The following FAT1 variants were observed in gnomAD, a reference collection of about 807,000 sequenced individuals.
FAT1 encodes FAT atypical cadherin 1.
Under a neutral mutation model 329.8 loss-of-function variants are expected in FAT1, and 171 were observed. That is an observed-to-expected ratio of 0.52 (90% CI 0.46 to 0.59). The LOEUF is 0.59. Among genes scored for constraint, FAT1 ranks in the 20% least tolerant of loss-of-function variants. The probability of loss-of-function intolerance (pLI) is 0.00; values close to 1 mark genes in which losing one functional copy is unlikely to be tolerated. For synonymous variants in FAT1, 2,233 were observed against 2,228.6 expected (o/e 1.00, Z -0.06); for missense variants, 5,672 against 5,774.4 (o/e 0.98, Z 0.57).
chr4:186,692,319 A>ATT (rs769658294), intron 2 of FAT1, among the ~76,000 whole-genome samples: 3,636 of 150,752 alleles, frequency 0.024, 100 homozygotes, highest in East Asian at 0.09. Context: ...TTATTTATTT[A>ATT]TTTATTTTTT....
intron 25 of FAT1, 86 bp from the exon 26 acceptor site, chr4:186,595,912 C>A: frequency 1.5e-6 from 2 of 1,355,266 alleles, no homozygotes; most frequent in Non-Finnish European, 2.1e-6. Context: ...ATGCATTACC[C>A]AACGATGGCC....
intron 9 of FAT1, among the ~76,000 whole-genome samples, chr4:186,625,288 C>T (rs1443293352): frequency 6.6e-6 from 1 of 152,132 alleles, no homozygotes; most frequent in Non-Finnish European, 1.5e-5. Flanking sequence ...ATTTCTCAAC[C>T]AGTGGAAAAA....
In FAT1 at chr4:186,709,818, G is replaced by T. The variant is rs760534470; in HGVS notation, c.10C>A (p.His4Asn). The T allele has an allele frequency of 6.2e-7, 1 of 1,602,026 alleles. No homozygotes were observed. Among genetic ancestry groups the T allele is most frequent in the Admixed American group, 1.7e-5 (1 of 58,516 alleles). The change falls in exon 2 of 27, where the codon CAT becomes AAT. Residue 4 changes from histidine (H) to asparagine (N), a missense_variant. Transcript: ENST00000441802. The stretch of plus-strand genomic sequence containing the variant: ...AGCAGAAGCAGGAGCAAAGCCAAAT[G>T]TCTCCCCATTGCTTAACTGTCGGGA... Reference protein sequence around the residue: MGRHLALLLLLLLL... With the variant: MGRNLALLLLLLLL...
intron 3 of FAT1, among the ~76,000 whole-genome samples, chr4:186,662,650 G>T (rs951517576): frequency 6.6e-6 from 1 of 152,118 alleles, no homozygotes; most frequent in African/African-American, 2.4e-5. Context: ...ACAAAAAGCC[G>T]ACTTAGGACA....
Position 186,588,313 on chromosome 4 carries a change from T to C in FAT1, c.*279A>G. 1 of 391,496 alleles carries C rather than the reference T, an allele frequency of 2.6e-6. No individual in the cohort carries two copies. The highest frequency in any genetic ancestry group is 4.6e-6 in the Non-Finnish European group (1 of 218,362). The allele number at this position is 391,496 out of a possible 1,614,324, so 24.3% of individuals were successfully genotyped here. On this transcript the variant is annotated 3_prime_UTR_variant, in exon 27 of 27. Transcript: ENST00000441802. ...CAAATCTATATAAATACATGAATCA[T>C]GCTGACAACACAGGACTGATTTTTC...
At chr4:186,591,029 C>T (rs1043604057) in intron 26 of FAT1, among the ~76,000 whole-genome samples, 6 of 152,230 alleles carry the variant, frequency 3.9e-5, no homozygotes, top group African/African-American at 1.2e-4. Context: ...GCCAGGGCCC[C>T]GCATCTATAC....
intron 2 of FAT1, among the ~76,000 whole-genome samples, chr4:186,701,390 GCTT>G (rs1744302835): frequency 6.6e-6 from 1 of 152,158 alleles, no homozygotes; most frequent in African/African-American, 2.4e-5. Context: ...TGGGAAACGA[GCTT>G]CTTTTCTCTT....
chr4:186,627,725 T>C (rs1740383058), intron 9 of FAT1, among the ~76,000 whole-genome samples: 1 of 152,208 alleles, frequency 6.6e-6, no homozygotes, highest in Non-Finnish European at 1.5e-5. Context: ...GTCAACACTG[T>C]TATGGAGCTT....
chr4:186,636,466 G>T (rs541405774), intron 5 of FAT1, 119 bp downstream of exon 5: 3 of 1,093,382 alleles, frequency 2.7e-6, no homozygotes, highest in Admixed American at 4.7e-5. Context: ...AATGGGGCCA[G>T]CAGGTCACAA....
rs1449321821 is a variant in FAT1 at position 186,619,081 on chromosome 4, G to T, written c.7505C>A (p.Ala2502Asp). Residue 2502 changes from alanine (A) to aspartate (D), a missense_variant, in exon 10 of 27, where the codon GCT becomes GAT. This residue lies in a region of FAT1 where 3,966 missense variants were observed against 3,915.2 expected (regional missense o/e 1.01). Transcript: ENST00000441802. The part of the protein sequence containing the change: ...FLQNEYEVEL[A>D]ENAPLHTLVM... ...CAGGGTATGTAGGGGAGCGTTTTCAGCTAGTTCCACTTCATATTCGTTCTG... is the reference window on the plus strand; with the variant it reads ...CAGGGTATGTAGGGGAGCGTTTTCATCTAGTTCCACTTCATATTCGTTCTG... 1.9e-6 allele frequency: 3 copies of T among 1,613,850 alleles called. No homozygotes were observed. The Admixed American group carries it at 5.0e-5, about 27-fold the overall frequency.
chr4:186,675,429 C>T (rs931342489), intron 2 of FAT1, among the ~76,000 whole-genome samples: 7 of 151,830 alleles, frequency 4.6e-5, no homozygotes, highest in Non-Finnish European at 7.4e-5. Flanking sequence ...ATTGCGCCAC[C>T]GCACTCCATC....
chr4:186,610,501 A>G lies in FAT1; in HGVS notation c.9854-486T>C, dbSNP rs187050359. On this transcript the variant is annotated intron_variant, in intron 14 of 26. Transcript: ENST00000441802. Reference sequence around the variant, plus strand: ...TTTATTTACATCCTCTCATTTTTAAAAATCCCTTTTTAAACAATTCCTTTT... The same window carrying G: ...TTTATTTACATCCTCTCATTTTTAAGAATCCCTTTTTAAACAATTCCTTTT... Among the ~76,000 whole-genome samples the G allele has an allele frequency of 3.3e-3, 502 of 150,510 alleles. 2 individuals are homozygous for G. Among genetic ancestry groups the G allele is most frequent in the Middle Eastern group, 0.01 (3 of 292 alleles).
At chr4:186,699,087 G>A (rs1744174778) in intron 2 of FAT1, among the ~76,000 whole-genome samples, 1 of 152,092 alleles carries the variant, frequency 6.6e-6, no homozygotes, top group Non-Finnish European at 1.5e-5. Flanking sequence ...TAGTGAGACA[G>A]TCTATGGAAA....
Position 186,619,331 on chromosome 4 carries a change from T to C in FAT1, c.7255A>G (p.Ser2419Gly). 1 of 1,614,064 alleles carries C rather than the reference T, an allele frequency of 6.2e-7. No homozygotes were observed. Among genetic ancestry groups the C allele is most frequent in the Non-Finnish European group, 8.5e-7 (1 of 1,179,900 alleles). ...VTCVKAYDAD[S>G]SDIDKLQYSI... ...TACTGCAACTTGTCTATGTCTGAAC[T>C]GTCTGCATCATAGGCTTTTACACAG... Residue 2419 changes from serine (S) to glycine (G), a missense_variant, in exon 10 of 27, where the codon AGT becomes GGT. By Grantham distance (56) the Ser-to-Gly change is moderately conservative (BLOSUM62 0). Around this residue, in one of 2 missense-constraint regions of FAT1, gnomAD observed 3,966 missense variants for 3,915.2 expected, o/e 1.01. Transcript: ENST00000441802.
chr4:186,635,064 T>C (rs1320803575), intron 6 of FAT1, among the ~76,000 whole-genome samples: 1 of 152,230 alleles, frequency 6.6e-6, no homozygotes, highest in Non-Finnish European at 1.5e-5. Context: ...ATGACATCAA[T>C]TTCACACAAT....
chr4:186,670,119 AAC>A (rs1742664586), intron 2 of FAT1, among the ~76,000 whole-genome samples: 1 of 152,192 alleles, frequency 6.6e-6, no homozygotes, highest in Non-Finnish European at 1.5e-5. Context: ...TTCCTATTTT[AAC>A]AGGTCTTGGC....
chr4:186,661,690 A>C (rs1426216021), intron 3 of FAT1, among the ~76,000 whole-genome samples: 1 of 152,112 alleles, frequency 6.6e-6, no homozygotes, highest in East Asian at 1.9e-4. Context: ...GGTAAATGTT[A>C]AGTGTTTCCC....
chr4:186,724,187 A>AAAAAAAG (rs1745624911), upstream of FAT1, among the ~76,000 whole-genome samples: 1 of 144,104 alleles, frequency 6.9e-6, no homozygotes, highest in African/African-American at 2.5e-5. The surrounding 1 kb of genome is among the most constrained non-coding windows in gnomAD (Gnocchi z 5.3). Flanking sequence ...CTTAGCTAAA[A>AAAAAAAG]AAAAAAAAAA....
chr4:186,588,930 A>AAG lies in FAT1; in HGVS notation c.13427_13428dup (p.Ser4477LeufsTer11). 3 of 1,613,970 alleles carry AAG rather than the reference A, an allele frequency of 1.9e-6. No homozygotes were observed. Among genetic ancestry groups the AAG allele is most frequent in the Non-Finnish European group, 2.5e-6 (3 of 1,179,874 alleles). On this transcript the variant is annotated frameshift_variant, in exon 27 of 27. Coordinates refer to ENST00000441802, the MANE Select transcript of FAT1 (RefSeq NM_005245.4). LOFTEE classifies it high-confidence loss of function. ...TTGAACCTCTGCCGGTTTCTTGATG[A>AAG]AGAACCCAAGCTACCCGCGGCAGGC...
Sources: gnomAD v4.1 joint callset for allele counts (sites outside exome capture counted in the v4.1 genomes callset) on GRCh38, gnomAD v4.1.1 for gene constraint, gnomAD v4.1.1 regional missense constraint, Gnocchi (gnomAD v3.1) non-coding constraint, MANE v1.5 for transcripts, NCBI Gene and HGNC (gene_info 2026-07-23, HGNC 2026-07-21) for gene names.